The following TCF4 variants were observed in gnomAD, a reference collection of about 807,000 sequenced individuals.
The protein encoded by TCF4 is transcription factor 4, also known as SL3-3 enhancer factor 2.
Under a neutral mutation model 82.1 loss-of-function variants are expected in TCF4, and 3 were observed. That is an observed-to-expected ratio of 0.04 (90% confidence interval 0.02 to 0.09). The LOEUF (loss-of-function observed/expected upper bound fraction) is 0.09, where lower values mean the gene tolerates loss of function less well. Among genes scored for constraint, TCF4 ranks in the 10% least tolerant of loss-of-function variants. TCF4 has a pLI of 1.00. For synonymous variants in TCF4, 276 were observed against 309.6 expected, an observed-to-expected ratio of 0.89 and a Z score of 1.14; for missense variants, 518 against 852.7, an observed-to-expected ratio of 0.61 and a Z score of 4.89.
intron 6 of TCF4, among the ~76,000 whole-genome samples, chr18:55,399,925 C>CACACAA (rs1379193667): frequency 1.8e-4 from 23 of 126,756 alleles, no homozygotes; most frequent in African/African-American, 6.8e-4. Flanking sequence ...CACACACACA[C>CACACAA]AATACTAAAA....
chr18:55,610,478 GCT>G (rs1465269005), intron 2 of TCF4, among the ~76,000 whole-genome samples: 1 of 152,182 alleles, frequency 6.6e-6, no homozygotes, highest in Admixed American at 6.5e-5. Context: ...TTGCTGTCCA[GCT>G]CTGTTGGTGA....
intron 8 of TCF4, among the ~76,000 whole-genome samples, chr18:55,329,286 C>T (rs1342023075): frequency 6.6e-6 from 1 of 152,042 alleles, no homozygotes; most frequent in African/African-American, 2.4e-5. Flanking sequence ...TGAATTTTAA[C>T]GACTGAGTTT....
At chr18:55,256,269 C>T (rs1329674362) in intron 14 of TCF4, among the ~76,000 whole-genome samples, 1 of 152,096 alleles carries the variant, frequency 6.6e-6, no homozygotes, top group South Asian at 2.1e-4. Flanking sequence ...CTATACACCC[C>T]GTCTTTACAG....
chr18:55,312,093 T>G (rs2072659358), intron 8 of TCF4, among the ~76,000 whole-genome samples: 1 of 152,198 alleles, frequency 6.6e-6, no homozygotes, highest in Non-Finnish European at 1.5e-5. Context: ...CTATACATAA[T>G]TCCACATCAG....
chr18:55,423,389 C>G (rs542809076), intron 5 of TCF4: 1 of 150,332 alleles, frequency 6.7e-6, no homozygotes, highest in Non-Finnish European at 1.5e-5. Flanking sequence ...TAAAACTCCA[C>G]GCACACACGC....
intron 6 of TCF4, among the ~76,000 whole-genome samples, chr18:55,374,397 A>G (rs1285129069): frequency 6.6e-6 from 1 of 152,044 alleles, no homozygotes; most frequent in African/African-American, 2.4e-5. Flanking sequence ...GTGTAAGGAA[A>G]AACAAGAAGA....
intron 3 of TCF4, among the ~76,000 whole-genome samples, chr18:55,491,240 G>A (rs572348256): frequency 6.6e-6 from 1 of 152,092 alleles, no homozygotes; most frequent in Non-Finnish European, 1.5e-5. Flanking sequence ...GAGACATTAA[G>A]AGCTATAACA....
At chr18:55,537,691 G>A (rs542876824) in intron 3 of TCF4, among the ~76,000 whole-genome samples, 40 of 152,138 alleles carry the variant, frequency 2.6e-4, no homozygotes, top group Middle Eastern at 3.4e-3. Context: ...AGTTTGTTGC[G>A]GAGTGTGTCT....
intron 2 of TCF4, among the ~76,000 whole-genome samples, chr18:55,599,566 C>T (rs2097694568): frequency 6.6e-6 from 1 of 152,064 alleles, no homozygotes; most frequent in Admixed American, 6.5e-5. Flanking sequence ...ACTAAAAATA[C>T]AAAAATTAGC....
intron 3 of TCF4, among the ~76,000 whole-genome samples, chr18:55,538,026 G>GCGCACACACACACACA (rs1277287061): frequency 1.5e-5 from 2 of 131,504 alleles, no homozygotes; most frequent in Non-Finnish European, 3.4e-5. Flanking sequence ...CTGCGCGCGC[G>GCGCACACACACACACA]CACACACACA....
chr18:55,627,311 A>C (rs1282903471), intron 2 of TCF4, among the ~76,000 whole-genome samples: 1 of 152,204 alleles, frequency 6.6e-6, no homozygotes, highest in Non-Finnish European at 1.5e-5. Context: ...GAGAAAAGCC[A>C]TAGAATTCCT....
chr18:55,495,039 G>T (rs1350271189), intron 3 of TCF4, among the ~76,000 whole-genome samples: 1 of 150,426 alleles, frequency 6.6e-6, no homozygotes, highest in African/African-American at 2.4e-5. Context: ...TCTTTTAAAA[G>T]ACTATAAATG....
At chr18:55,438,612 TAA>T (rs1228706797) in intron 5 of TCF4, among the ~76,000 whole-genome samples, 1 of 152,244 alleles carries the variant, frequency 6.6e-6, no homozygotes, top group Non-Finnish European at 1.5e-5. Context: ...CTGTTTCAAC[TAA>T]AAGACACCAC....
chr18:55,624,012 G>A (rs1376285898), intron 2 of TCF4, among the ~76,000 whole-genome samples: 1 of 152,096 alleles, frequency 6.6e-6, no homozygotes, highest in Non-Finnish European at 1.5e-5. Context: ...GCAAATTTGA[G>A]AATGAGATAA....
chr18:55,425,878 G>A (rs1430499185), intron 5 of TCF4, among the ~76,000 whole-genome samples: 6 of 152,068 alleles, frequency 3.9e-5, no homozygotes, highest in Non-Finnish European at 7.3e-5. Flanking sequence ...AGCTTTGCTG[G>A]GTGGCTCAAT....
chr18:55,389,388 C>T (rs1307294086), intron 6 of TCF4, among the ~76,000 whole-genome samples: 2 of 152,120 alleles, frequency 1.3e-5, no homozygotes, highest in African/African-American at 4.8e-5. Flanking sequence ...TGGCTGTAGA[C>T]AGTGTGATGA....
chr18:55,249,114 G>C (rs896987222), intron 15 of TCF4, among the ~76,000 whole-genome samples: 10 of 152,218 alleles, frequency 6.6e-5, no homozygotes, highest in African/African-American at 2.4e-4. Context: ...CTAGGCCTTA[G>C]TCTTCAAAGA....
intron 8 of TCF4, among the ~76,000 whole-genome samples, chr18:55,280,750 G>GAAA (rs879375107): frequency 4.8e-4 from 73 of 152,160 alleles, no homozygotes; most frequent in Non-Finnish European, 9.3e-4. Flanking sequence ...AAAAAGGCAA[G>GAAA]TGCAGGGTTA....
chr18:55,408,229 A>G (rs1006324798), intron 5 of TCF4, among the ~76,000 whole-genome samples: 1 of 152,184 alleles, frequency 6.6e-6, no homozygotes, highest in African/African-American at 2.4e-5. Context: ...AGAATATATC[A>G]TCCCGTGAAA....
Sources: gnomAD v4.1 joint callset for allele counts (sites outside exome capture counted in the v4.1 genomes callset) on GRCh38, gnomAD v4.1.1 for gene constraint, MANE v1.5 for transcripts, NCBI Gene and HGNC (gene_info 2026-07-23, HGNC 2026-07-21) for gene names.